OPCML: variants seen among roughly 807,000 people sequenced by gnomAD.
OPCML encodes the protein opioid-binding protein/cell adhesion molecule.
Under a neutral mutation model 37.8 loss-of-function variants are expected in OPCML, and 13 were observed. The observed-to-expected ratio is 0.34, with a 90% CI of 0.22 to 0.55. OPCML has a LOEUF of 0.55. Ranked by LOEUF, OPCML falls within the 20% of genes least tolerant of loss-of-function variation. The pLI, the probability that OPCML is intolerant of heterozygous loss-of-function variation, is 0.91. For missense variants in OPCML, 341 were observed against 435.6 expected (o/e 0.78, Z 1.93); for synonymous variants, 176 against 168.8 (o/e 1.04, Z -0.33).
At chr11:133,204,868 G>GTGTATATATATATA (rs1435953218) in intron 1 of OPCML, among the ~76,000 whole-genome samples, 11 of 117,324 alleles carry the variant, frequency 9.4e-5, no homozygotes, top group South Asian at 6.5e-4. Context: ...ATATATATGT[G>GTGTATATATATATA]TATATATATA....
At chr11:133,011,253 A>G (rs1374550970) in intron 1 of OPCML, among the ~76,000 whole-genome samples, 7 of 152,182 alleles carry the variant, frequency 4.6e-5, no homozygotes, top group Non-Finnish European at 1.0e-4. Flanking sequence ...GACTCTTGAG[A>G]GCAGTACATA....
chr11:133,069,154 G>A (rs1948485693), intron 1 of OPCML, among the ~76,000 whole-genome samples: 1 of 152,204 alleles, frequency 6.6e-6, no homozygotes, highest in Non-Finnish European at 1.5e-5. Context: ...TTAACCTTGA[G>A]TAAGTTATTT....
At chr11:132,998,192 G>A (rs1946922141) in intron 1 of OPCML, among the ~76,000 whole-genome samples, 1 of 152,110 alleles carries the variant, frequency 6.6e-6, no homozygotes, top group African/African-American at 2.4e-5. Flanking sequence ...CACTCATGAG[G>A]GAGCCCATGA....
At chr11:132,428,566 C>A (rs536295766) in intron 7 of OPCML, among the ~76,000 whole-genome samples, 2 of 152,122 alleles carry the variant, frequency 1.3e-5, no homozygotes, top group Admixed American at 1.3e-4. Context: ...ATGCACTCAT[C>A]AGGCAGAGAA....
At chr11:132,602,385 G>A (rs746226960) in intron 3 of OPCML, among the ~76,000 whole-genome samples, 2 of 152,234 alleles carry the variant, frequency 1.3e-5, no homozygotes, top group East Asian at 1.9e-4. Flanking sequence ...CCTGTGAAAG[G>A]CATTTAATTT....
chr11:133,498,873 G>A (rs528842809), intron 1 of OPCML, among the ~76,000 whole-genome samples: 9 of 152,300 alleles, frequency 5.9e-5, no homozygotes, highest in African/African-American at 1.9e-4. Context: ...ATGGAGTTAT[G>A]GAACCCAACA....
chr11:133,017,632 G>A (rs534906338), intron 1 of OPCML, among the ~76,000 whole-genome samples: 1 of 152,104 alleles, frequency 6.6e-6, no homozygotes, highest in Admixed American at 6.5e-5. Flanking sequence ...CAGGTGATCT[G>A]CCCTCCTCGG....
intron 3 of OPCML, among the ~76,000 whole-genome samples, chr11:132,566,613 G>A (rs552947231): frequency 6.6e-5 from 10 of 152,206 alleles, no homozygotes; most frequent in Non-Finnish European, 1.0e-4. Context: ...AGACCACTTT[G>A]TTCCAGGTAT....
At chr11:133,418,088 T>C (rs1198392303) in intron 1 of OPCML, 1 of 985,412 alleles carries the variant, frequency 1.0e-6, no homozygotes, top group Non-Finnish European at 1.2e-6. Flanking sequence ...AAGTATGCCA[T>C]CTGTGGTTCG....
At chr11:132,600,016 A>T (rs764080196) in intron 3 of OPCML, among the ~76,000 whole-genome samples, 2 of 152,222 alleles carry the variant, frequency 1.3e-5, no homozygotes, top group African/African-American at 2.4e-5. Context: ...ATAAAAGAAG[A>T]TTCGCTCTAG....
At chr11:132,688,370 C>G (rs942945008) in intron 2 of OPCML, among the ~76,000 whole-genome samples, 2 of 152,086 alleles carry the variant, frequency 1.3e-5, no homozygotes, top group African/African-American at 4.8e-5. Context: ...AACTGGTACC[C>G]GTAATCTAGT....
intron 2 of OPCML, among the ~76,000 whole-genome samples, chr11:132,855,401 A>G (rs1307128112): frequency 1.3e-5 from 2 of 152,186 alleles, no homozygotes; most frequent in African/African-American, 4.8e-5. Context: ...GATTTGAGTA[A>G]TAATAAATTC....
chr11:133,445,743 A>G (rs950873220), intron 1 of OPCML, among the ~76,000 whole-genome samples: 1 of 152,244 alleles, frequency 6.6e-6, no homozygotes, highest in African/African-American at 2.4e-5. Context: ...CTGGCTTTCT[A>G]TGCACTCCAG....
intron 1 of OPCML, among the ~76,000 whole-genome samples, chr11:133,080,358 G>A (rs1419425325): frequency 6.6e-6 from 1 of 152,138 alleles, no homozygotes; most frequent in Non-Finnish European, 1.5e-5. Context: ...ACTGCGGCCG[G>A]TGTGTGGCCC....
chr11:132,440,905 G>A (rs2096030421), intron 4 of OPCML, among the ~76,000 whole-genome samples: 1 of 152,096 alleles, frequency 6.6e-6, no homozygotes, highest in South Asian at 2.1e-4. Context: ...TGGTTGCAAT[G>A]TAAAGTTCTG....
At position 132,420,181 on chromosome 11, in the gene OPCML, T is replaced by C; in HGVS notation, c.*12A>G. On this transcript the variant is annotated 3_prime_UTR_variant, in exon 8 of 8. Transcript: ENST00000524381. ...AGAAGCAGGCGTTGCTCAGAGGACC[T>C]AGGATTTCTTATCAAAACTTGATGA... The C allele has an allele frequency of 3.1e-6, 5 of 1,613,262 alleles. No individual in the cohort carries two copies. The highest frequency in any genetic ancestry group is 3.4e-6 in the Non-Finnish European group (4 of 1,179,280).
At chr11:132,820,636 G>T (rs1939925110) in intron 2 of OPCML, among the ~76,000 whole-genome samples, 2 of 152,090 alleles carry the variant, frequency 1.3e-5, no homozygotes, top group South Asian at 4.1e-4. Context: ...GGGATGTGCT[G>T]GTGGGAAGAA....
At chr11:132,572,007 C>A (rs1565675226) in intron 3 of OPCML, among the ~76,000 whole-genome samples, 1 of 151,948 alleles carries the variant, frequency 6.6e-6, no homozygotes, top group Non-Finnish European at 1.5e-5. Context: ...TTTGCATTTC[C>A]CTGGTGATTA....
chr11:133,094,664 C>A (rs180958993), intron 1 of OPCML, among the ~76,000 whole-genome samples: 2 of 152,128 alleles, frequency 1.3e-5, no homozygotes, highest in Non-Finnish European at 2.9e-5. Context: ...AACTATGAGT[C>A]TTTGTTTATT....
Sources: gnomAD v4.1 joint callset for allele counts (sites outside exome capture counted in the v4.1 genomes callset) on GRCh38, gnomAD v4.1.1 for gene constraint, MANE v1.5 for transcripts, NCBI Gene and HGNC (gene_info 2026-07-23, HGNC 2026-07-21) for gene names.